DKK2: variants seen among roughly 807,000 people sequenced by gnomAD.
DKK2 encodes dickkopf-related protein 2.
DKK2 carries 11 observed loss-of-function variants against 28.1 expected under a neutral mutation model. That is an observed-to-expected ratio of 0.39 (90% CI 0.25 to 0.65). DKK2 has a LOEUF of 0.65. Among genes scored for constraint, DKK2 ranks in the 30% least tolerant of loss-of-function variants. DKK2 has a pLI of 0.47. For synonymous variants in DKK2, 135 were observed against 126.5 expected (o/e 1.07, Z -0.45); for missense variants, 326 against 335.5 (o/e 0.97, Z 0.22).
Position 106,925,873 on chromosome 4 carries a change from C to A in DKK2, c.299G>T (p.Cys100Phe). ...CTTCTTTTTTCTCCGACACACCATG[C>A]AGGCCGATGATCCTTGGTGGGGACT... The part of the protein sequence containing the change: ...CHSPHQGSSA[C>F]MVCRRKKKRC... Residue 100 changes from cysteine (C) to phenylalanine (F), a missense_variant, in exon 2 of 4, where the codon TGC becomes TTC. Cys to Phe is a radical substitution (Grantham distance 205). Coordinates refer to ENST00000285311, the MANE Select transcript of DKK2 (RefSeq NM_014421.3). 1 of 1,613,868 alleles carries A rather than the reference C, an allele frequency of 6.2e-7. No individual in the cohort carries two copies. Among genetic ancestry groups the A allele is most frequent in the Non-Finnish European group, 8.5e-7 (1 of 1,179,898 alleles).
chr4:107,014,832 A>C (rs987594844), intron 1 of DKK2, among the ~76,000 whole-genome samples: 11 of 147,150 alleles, frequency 7.5e-5, no homozygotes, highest in Admixed American at 3.4e-4. Context: ...CACACACACA[A>C]ACACACACAC....
At chr4:107,026,652 G>A (rs1478803948) in intron 1 of DKK2, among the ~76,000 whole-genome samples, 2 of 152,160 alleles carry the variant, frequency 1.3e-5, no homozygotes, top group African/African-American at 2.4e-5. Context: ...AGCACAGAAT[G>A]AATTTTCAGC....
At position 106,927,365 on chromosome 4, in the gene DKK2, G is replaced by C. The variant is rs538075392; in HGVS notation, c.223-1416C>G. Among the ~76,000 whole-genome samples the C allele has an allele frequency of 1.6e-4, 24 of 152,164 alleles. No individual in the cohort carries two copies. The South Asian group carries it at 2.5e-3, about 16-fold the overall frequency. On this transcript the variant is annotated intron_variant, in intron 1 of 3. Transcript: ENST00000285311. ...CGTTTAGGTGATCAGATCATCTTCA[G>C]TTAGAAAAAGGAAATGTGAAGTTTA...
chr4:106,926,037 T>C (rs1256839661), intron 1 of DKK2, 88 bp from the exon 2 acceptor site: 3 of 1,386,448 alleles, frequency 2.2e-6, no homozygotes, highest in Non-Finnish European at 2.9e-6. Context: ...TGATAGAAAA[T>C]GAATCACAAT....
At chr4:107,001,227 A>G (rs1723355340) in intron 1 of DKK2, among the ~76,000 whole-genome samples, 1 of 152,204 alleles carries the variant, frequency 6.6e-6, no homozygotes, top group South Asian at 2.1e-4. Flanking sequence ...CACAACCATC[A>G]GAAGCTAGGA....
intron 1 of DKK2, among the ~76,000 whole-genome samples, chr4:106,989,086 G>A (rs1250504517): frequency 1.3e-5 from 2 of 152,156 alleles, no homozygotes; most frequent in African/African-American, 4.8e-5. Context: ...TTTCATAGGA[G>A]TATGGTGATT....
intron 1 of DKK2, among the ~76,000 whole-genome samples, chr4:106,982,962 AAGAAAGAAAGAAAG>A (rs1249525728): frequency 1.4e-4 from 21 of 149,274 alleles, no homozygotes; most frequent in Admixed American, 4.6e-4. Flanking sequence ...GAAAAAGAAG[AAGAAAGAAAGAAAG>A]AGAAAGAAAG....
intron 1 of DKK2, among the ~76,000 whole-genome samples, chr4:106,945,169 C>T (rs896279694): frequency 3.9e-5 from 6 of 151,978 alleles, no homozygotes; most frequent in African/African-American, 1.2e-4. Flanking sequence ...AAAGAATGGG[C>T]CCTTGAAATA....
At chr4:106,948,128 A>G (rs1466092636) in intron 1 of DKK2, among the ~76,000 whole-genome samples, 1 of 152,102 alleles carries the variant, frequency 6.6e-6, no homozygotes, top group Non-Finnish European at 1.5e-5. Flanking sequence ...CTACTCCGAG[A>G]CTGTCAAATG....
intron 1 of DKK2, among the ~76,000 whole-genome samples, chr4:107,005,555 T>C (rs535525328): frequency 2.0e-5 from 3 of 152,200 alleles, no homozygotes; most frequent in African/African-American, 7.2e-5. Context: ...ATTCTGATGG[T>C]GCTCCGACAT....
At chr4:107,023,428 T>C (rs1284215627) in intron 1 of DKK2, among the ~76,000 whole-genome samples, 3 of 152,066 alleles carry the variant, frequency 2.0e-5, no homozygotes, top group African/African-American at 7.2e-5. Context: ...CATGACATCC[T>C]GGATGAGACA....
At chr4:107,011,328 C>T (rs769337365) in intron 1 of DKK2, among the ~76,000 whole-genome samples, 5 of 151,366 alleles carry the variant, frequency 3.3e-5, no homozygotes, top group East Asian at 1.9e-4. Flanking sequence ...TAGAATTCTG[C>T]GGACCTAGAA....
intron 1 of DKK2, among the ~76,000 whole-genome samples, chr4:107,018,728 A>C (rs1723647334): frequency 6.6e-6 from 1 of 152,116 alleles, no homozygotes; most frequent in African/African-American, 2.4e-5. Context: ...TATTTGACCC[A>C]TACCTTGTCC....
intron 1 of DKK2, among the ~76,000 whole-genome samples, chr4:107,000,078 G>C (rs1723337620): frequency 6.6e-6 from 1 of 152,092 alleles, no homozygotes; most frequent in African/African-American, 2.4e-5. Flanking sequence ...ACATTAAGAG[G>C]CCAGAATGTT....
intron 1 of DKK2, among the ~76,000 whole-genome samples, chr4:107,017,717 T>C (rs1175181674): frequency 2.0e-5 from 3 of 152,088 alleles, no homozygotes; most frequent in Non-Finnish European, 4.4e-5. Context: ...TATAAAAGAT[T>C]ATGCAGAAGG....
At chr4:106,988,652 G>T (rs974469176) in intron 1 of DKK2, among the ~76,000 whole-genome samples, 2 of 152,160 alleles carry the variant, frequency 1.3e-5, no homozygotes, top group African/African-American at 4.8e-5. Flanking sequence ...GAGAAGTGAA[G>T]TCCAGTGCAA....
chr4:106,954,969 T>C (rs1722568106), intron 1 of DKK2, among the ~76,000 whole-genome samples: 1 of 152,218 alleles, frequency 6.6e-6, no homozygotes, highest in Non-Finnish European at 1.5e-5. Flanking sequence ...TGCCCCATTG[T>C]GGACAATGAC....
At chr4:106,960,732 A>G (rs1270353712) in intron 1 of DKK2, among the ~76,000 whole-genome samples, 1 of 152,140 alleles carries the variant, frequency 6.6e-6, no homozygotes, top group Non-Finnish European at 1.5e-5. Flanking sequence ...AAATACATAA[A>G]TTTTCCCTTG....
intron 1 of DKK2, among the ~76,000 whole-genome samples, chr4:106,942,828 T>C (rs1186630468): frequency 6.6e-6 from 1 of 152,110 alleles, no homozygotes; most frequent in African/African-American, 2.4e-5. Context: ...TTTAGTACGC[T>C]ATATAAAATC....
Sources: allele counts gnomAD v4.1 joint callset (sites outside exome capture counted in the v4.1 genomes callset), GRCh38; gene constraint gnomAD v4.1.1; transcripts MANE v1.5; gene names NCBI Gene and HGNC (gene_info 2026-07-23, HGNC 2026-07-21).